RC3H1: variants seen among roughly 807,000 people sequenced by gnomAD.
RC3H1 encodes the protein roquin-1.
RC3H1 carries 50 observed loss-of-function variants against 138.2 expected under a neutral mutation model. That is an observed-to-expected ratio of 0.36 (90% CI 0.29 to 0.46). The LOEUF (loss-of-function observed/expected upper bound fraction) is 0.46. RC3H1 is among the 20% of genes least tolerant of loss of function. RC3H1 has a pLI of 1.00. For synonymous variants in RC3H1, 462 were observed against 489.1 expected, an observed-to-expected ratio of 0.94 and a Z score of 0.73; for missense variants, 1,031 against 1,388.1, an observed-to-expected ratio of 0.74 and a Z score of 4.09.
At chr1:173,967,016 T>G (rs1441717034) in intron 9 of RC3H1, among the ~76,000 whole-genome samples, 1 of 151,874 alleles carries the variant, frequency 6.6e-6, no homozygotes, top group Admixed American at 6.6e-5. Flanking sequence ...GCTGGTTGGG[T>G]TTTTTTTGGC....
intron 1 of RC3H1, among the ~76,000 whole-genome samples, chr1:174,003,684 G>A (rs1476122468): frequency 6.8e-6 from 1 of 147,780 alleles, no homozygotes; most frequent in East Asian, 2.0e-4. Flanking sequence ...TTTTTGAGAC[G>A]GAGTCTCTCT....
intron 11 of RC3H1, among the ~76,000 whole-genome samples, chr1:173,962,406 T>C (rs1024556320): frequency 1.3e-5 from 2 of 152,200 alleles, no homozygotes; most frequent in African/African-American, 4.8e-5. Flanking sequence ...ATTTCCCAGA[T>C]ATCCTTGAAG....
chr1:173,952,362 G>GT (rs1232633143), intron 13 of RC3H1, among the ~76,000 whole-genome samples: 1,944 of 89,774 alleles, frequency 0.022, 17 homozygotes, highest in Non-Finnish European at 0.03. Context: ...TAGCTTTCAG[G>GT]TTTTTTTTTT....
intron 1 of RC3H1, among the ~76,000 whole-genome samples, chr1:174,012,276 C>T (rs1392632766): frequency 6.6e-6 from 1 of 151,578 alleles, no homozygotes; most frequent in Non-Finnish European, 1.5e-5. Flanking sequence ...ATTTTTGCAT[C>T]GAGAGAATCA....
intron 1 of RC3H1, among the ~76,000 whole-genome samples, chr1:174,014,055 AGAG>A (rs1215683217): frequency 6.6e-6 from 1 of 152,226 alleles, no homozygotes; most frequent in Non-Finnish European, 1.5e-5. Flanking sequence ...CCAGAGGTTC[AGAG>A]GGATGAGGCA....
intron 19 of RC3H1, 21 bp downstream of exon 19, chr1:173,941,244 C>T (rs200487638): frequency 1.7e-5 from 25 of 1,434,798 alleles, no homozygotes; most frequent in African/African-American, 2.8e-5. Context: ...AATATGGCTA[C>T]GACAATCTCC....
In RC3H1 at chr1:174,015,703, T is replaced by TG. The variant is rs145677577; in HGVS notation, c.-151+6392dup. Among the ~76,000 whole-genome samples the TG allele has an allele frequency of 6.8e-3, 1,022 of 151,270 alleles. 10 individuals carry two copies. The highest frequency in any genetic ancestry group is 9.9e-3 in the Non-Finnish European group (675 of 67,856). ...ATATATATATATGTTTTAATACAGATGGGGTCTCACTATGTTAGCCAGGCT... is the reference window on the plus strand; with the variant it reads ...ATATATATATATGTTTTAATACAGATGGGGGTCTCACTATGTTAGCCAGGCT... On this transcript the variant is annotated intron_variant, in intron 1 of 19. Coordinates refer to ENST00000367696, the MANE Select transcript of RC3H1 (RefSeq NM_172071.4).
rs1658399389 is a variant in RC3H1 at position 173,932,011 on chromosome 1, C to G, written c.*6710G>C. 6.6e-6 allele frequency: 1 copy of G among 151,840 alleles called. No homozygotes were observed. The highest frequency in any genetic ancestry group is 2.1e-4 in the South Asian group (1 of 4,806). The allele number at this position is 151,840 out of a possible 1,614,324, so 9.4% of individuals were successfully genotyped here. A position where few individuals can be genotyped will look rare whatever the true frequency, so the allele number is the denominator to read the frequency against. Reference sequence around the variant, plus strand: ...AAGAAAACTTTAAAAAATGGTAAGTCTACCACTGATTTATAAGAGCAGGAG... The same window carrying G: ...AAGAAAACTTTAAAAAATGGTAAGTGTACCACTGATTTATAAGAGCAGGAG... On this transcript the variant is annotated 3_prime_UTR_variant, in exon 20 of 20. Transcript: ENST00000367696.
Position 174,022,179 on chromosome 1 carries a change from G to A in RC3H1, c.-234C>T. On this transcript the variant is annotated 5_prime_UTR_variant, in exon 1 of 20. Coordinates refer to ENST00000367696, the MANE Select transcript of RC3H1 (RefSeq NM_172071.4). This position sits in a 1 kb window ranked among gnomAD's most constrained non-coding sequence, Gnocchi z 4.2. ...CCGCGGCAGCCGCCGCCGCCGCCGA[G>A]GCCACCGTTGACTCTGATTCTGTCC... is the stretch of plus-strand genomic sequence containing the variant. 1 of 395,150 alleles carries A rather than the reference G, an allele frequency of 2.5e-6. No individual in the cohort carries two copies. Among genetic ancestry groups the A allele is most frequent in the Admixed American group, 4.4e-5 (1 of 22,510 alleles). 24.5% of individuals were successfully genotyped at this position (395,150 alleles called of 1,614,324 possible).
intron 1 of RC3H1, chr1:174,009,195 C>T (rs1234376874): frequency 1.3e-5 from 2 of 152,148 alleles, no homozygotes; most frequent in African/African-American, 2.4e-5. Context: ...AGTCTAACCA[C>T]TGTGGATTGC....
intron 9 of RC3H1, among the ~76,000 whole-genome samples, chr1:173,966,636 G>T (rs1031201949): frequency 6.6e-6 from 1 of 151,742 alleles, no homozygotes; most frequent in Admixed American, 6.6e-5. Flanking sequence ...AATTGCTTGA[G>T]CCCGGGAGGC....
At chr1:173,982,028 T>G (rs1660842173) in intron 5 of RC3H1, among the ~76,000 whole-genome samples, 1 of 152,194 alleles carries the variant, frequency 6.6e-6, no homozygotes, top group Admixed American at 6.5e-5. Flanking sequence ...TAAACTGAAA[T>G]GGCAAATGGA....
chr1:174,001,883 G>C (rs1661570006), intron 1 of RC3H1, among the ~76,000 whole-genome samples: 1 of 152,096 alleles, frequency 6.6e-6, no homozygotes, highest in Admixed American at 6.5e-5. Flanking sequence ...CACCAATTTA[G>C]TGTTAGTACA....
At chr1:173,953,035 C>T (rs976898248) in intron 13 of RC3H1, among the ~76,000 whole-genome samples, 4 of 152,170 alleles carry the variant, frequency 2.6e-5, no homozygotes, top group Non-Finnish European at 5.9e-5. Flanking sequence ...CTATGCCTCC[C>T]GCTATACTAA....
In RC3H1 at chr1:173,931,691, C is replaced by T. The variant is rs1218680095; in HGVS notation, c.*7030G>A. ...TCAAATAGGGTTCTTTTTCCTACTC[C>T]AAAAGAACTCTCAGGAGATAAGGTC... On this transcript the variant is annotated 3_prime_UTR_variant, in exon 20 of 20. Transcript: ENST00000367696. The T allele has an allele frequency of 6.6e-6, 1 of 152,066 alleles. No individual in the cohort carries two copies. The highest frequency in any genetic ancestry group is 1.5e-5 in the Non-Finnish European group (1 of 68,000). 9.4% of individuals were successfully genotyped at this position (152,066 alleles called of 1,614,324 possible).
At chr1:173,993,231 T>C in intron 1 of RC3H1, 96 bp from the exon 2 acceptor site, 1 of 482,400 alleles carries the variant, frequency 2.1e-6, no homozygotes, top group Non-Finnish European at 3.7e-6. Context: ...CACAACTTTT[T>C]ATACCACATT....
intron 12 of RC3H1, 38 bp downstream of exon 12, chr1:173,961,687 C>T: frequency 4.5e-6 from 7 of 1,554,020 alleles, no homozygotes; most frequent in South Asian, 1.2e-5. Flanking sequence ...AAGCAACAGT[C>T]AAATTAAGTC....
Position 173,936,743 on chromosome 1 carries a change from ATATATATATATATATATATTTT to A in RC3H1, c.*1956_*1977del, listed in dbSNP as rs1658604076. On this transcript the variant is annotated 3_prime_UTR_variant, in exon 20 of 20. Transcript: ENST00000367696. ...AGAAAAAGCATACATATATATATAT[ATATATATATATATATATATTTT>A]TTTTTTTTTTTTTAAAAAAAGAAGA... 2 of 47,138 alleles carry A rather than the reference ATATATATATATATATATATTTT, an allele frequency of 4.2e-5. No homozygotes were observed. Among genetic ancestry groups the A allele is most frequent in the Admixed American group, 2.1e-4 (1 of 4,724 alleles). The allele number at this position is 47,138 out of a possible 1,614,324, so 2.9% of individuals were successfully genotyped here.
At chr1:173,971,577 C>T (rs1021797059) in intron 8 of RC3H1, among the ~76,000 whole-genome samples, 4 of 152,108 alleles carry the variant, frequency 2.6e-5, no homozygotes, top group Non-Finnish European at 5.9e-5. Flanking sequence ...CAACACTAAA[C>T]TGGACAAAAT....
Sources: gnomAD v4.1 joint callset for allele counts (sites outside exome capture counted in the v4.1 genomes callset) on GRCh38, gnomAD v4.1.1 for gene constraint, Gnocchi (gnomAD v3.1) non-coding constraint, MANE v1.5 for transcripts, NCBI Gene and HGNC (gene_info 2026-07-23, HGNC 2026-07-21) for gene names.